RBFOX1: variants seen among roughly 807,000 people sequenced by gnomAD.
RBFOX1 encodes the protein RNA binding protein fox-1 homolog 1.
Under a neutral mutation model 57.7 loss-of-function variants are expected in RBFOX1, and 8 were observed. That is an observed-to-expected ratio of 0.14 (90% CI 0.08 to 0.25). RBFOX1 has a LOEUF of 0.25. RBFOX1 is among the 10% of genes least tolerant of loss of function. RBFOX1 has a pLI of 1.00. For missense variants in RBFOX1, 611 were observed against 548.5 expected, an observed-to-expected ratio of 1.11 and a Z score of -1.14; for synonymous variants, 326 against 222.4, an observed-to-expected ratio of 1.47 and a Z score of -4.15.
intron 1 of RBFOX1, among the ~76,000 whole-genome samples, chr16:6,207,030 G>C (rs2097260061): frequency 6.9e-6 from 1 of 145,916 alleles, no homozygotes; most frequent in African/African-American, 2.5e-5. Context: ...AAAATTAAAA[G>C]GTAAACAGTC....
At chr16:7,587,114 AC>A in intron 6 of RBFOX1, 132 bp from the exon 7 acceptor site, 1 of 1,137,932 alleles carries the variant, frequency 8.8e-7, no homozygotes. Context: ...AAGCACATTA[AC>A]CATAAAACAT....
intron 4 of RBFOX1, among the ~76,000 whole-genome samples, chr16:7,381,405 C>T (rs1009667667): frequency 2.0e-5 from 3 of 152,128 alleles, no homozygotes; most frequent in Non-Finnish European, 4.4e-5. Flanking sequence ...TAAACACATA[C>T]CTAATTCCTA....
chr16:5,597,678 A>T (rs1415374303), intron 2 of RBFOX1, among the ~76,000 whole-genome samples: 2 of 151,948 alleles, frequency 1.3e-5, no homozygotes, highest in African/African-American at 2.4e-5. Context: ...GATTAATGAC[A>T]TTGTAGAGCT....
chr16:5,566,590 A>G (rs1303560546), intron 2 of RBFOX1, among the ~76,000 whole-genome samples: 3 of 151,420 alleles, frequency 2.0e-5, no homozygotes. Context: ...ATATGTATAT[A>G]TGTGTGTATA....
At chr16:5,912,982 A>G (rs1028240176) in intron 4 of RBFOX1, among the ~76,000 whole-genome samples, 1 of 152,216 alleles carries the variant, frequency 6.6e-6, no homozygotes, top group African/African-American at 2.4e-5. Flanking sequence ...TAAGTGACTC[A>G]GGATAAAAGT....
Position 6,450,807 on chromosome 16 carries a change from A to G in RBFOX1, c.-64+133750A>G, listed in dbSNP as rs1473446594. Among the ~76,000 whole-genome samples, 64 of 19,222 alleles carry G rather than the reference A, an allele frequency of 3.3e-3. 8 individuals are homozygous for G. The highest frequency in any genetic ancestry group is 0.024 in the African/African-American group (62 of 2,604). 12.6% of individuals were successfully genotyped at this position (19,222 alleles called of 152,430 possible). A position where few individuals can be genotyped will look rare whatever the true frequency, so the allele number is the denominator to read the frequency against. ...TATATATACATATATATATGTATAT[A>G]TATATATATACATATATATATATAT... On this transcript the variant is annotated intron_variant, in intron 2 of 15. Coordinates refer to ENST00000550418, the MANE Select transcript of RBFOX1 (RefSeq NM_018723.4).
intron 5 of RBFOX1, among the ~76,000 whole-genome samples, chr16:7,567,311 A>G (rs1223712923): frequency 8.8e-6 from 1 of 113,622 alleles, no homozygotes; most frequent in Non-Finnish European, 1.8e-5. Flanking sequence ...CCCTATATAT[A>G]TATATATATA....
At chr16:7,447,286 A>C (rs1349935655) in intron 4 of RBFOX1, among the ~76,000 whole-genome samples, 1 of 151,980 alleles carries the variant, frequency 6.6e-6, no homozygotes, top group Non-Finnish European at 1.5e-5. Flanking sequence ...TACAAAAATT[A>C]GCCAGCTGTG....
At chr16:7,407,852 A>C (rs969276005) in intron 4 of RBFOX1, among the ~76,000 whole-genome samples, 2 of 152,118 alleles carry the variant, frequency 1.3e-5, no homozygotes, top group East Asian at 1.9e-4. Context: ...CCTGGGACCT[A>C]ATCTGGCCTG....
intron 4 of RBFOX1, among the ~76,000 whole-genome samples, chr16:7,140,970 G>C (rs2073605000): frequency 6.6e-6 from 1 of 152,186 alleles, no homozygotes; most frequent in African/African-American, 2.4e-5. Context: ...GAGAGAGAAG[G>C]AGGGAGTGAA....
chr16:7,513,353 C>G (rs1466090541), intron 4 of RBFOX1, among the ~76,000 whole-genome samples: 4 of 152,126 alleles, frequency 2.6e-5, no homozygotes, highest in African/African-American at 9.7e-5. Flanking sequence ...TGAGAAATGC[C>G]TTGGTTTAAC....
At chr16:7,032,042 T>C (rs150063249) in intron 3 of RBFOX1, among the ~76,000 whole-genome samples, 7 of 152,294 alleles carry the variant, frequency 4.6e-5, no homozygotes, top group African/African-American at 1.7e-4. Context: ...GATTCTCCTT[T>C]GTATTTAGTG....
intron 1 of RBFOX1, among the ~76,000 whole-genome samples, chr16:6,074,080 C>T (rs981462670): frequency 6.6e-6 from 1 of 152,130 alleles, no homozygotes; most frequent in Non-Finnish European, 1.5e-5. Context: ...TCCCGAGTAG[C>T]TGGGACTATA....
At chr16:6,279,170 C>G (rs2076132362) in intron 1 of RBFOX1, among the ~76,000 whole-genome samples, 1 of 152,066 alleles carries the variant, frequency 6.6e-6, no homozygotes, top group Non-Finnish European at 1.5e-5. Context: ...AAAACATTTA[C>G]ATCTTGATGT....
chr16:5,287,376 G>C (rs1474890106), intron 1 of RBFOX1, among the ~76,000 whole-genome samples: 2 of 152,152 alleles, frequency 1.3e-5, no homozygotes, highest in Non-Finnish European at 2.9e-5. Context: ...GTAACTGGTA[G>C]TGTCAGGCCA....
At chr16:6,021,551 T>A (rs1165118858) in intron 1 of RBFOX1, among the ~76,000 whole-genome samples, 1 of 152,220 alleles carries the variant, frequency 6.6e-6, no homozygotes, top group Non-Finnish European at 1.5e-5. Flanking sequence ...AAAACCTGTG[T>A]CCTCTTTGAG....
chr16:5,968,116 C>G (rs909762529), intron 4 of RBFOX1, among the ~76,000 whole-genome samples: 1 of 152,092 alleles, frequency 6.6e-6, no homozygotes, highest in Non-Finnish European at 1.5e-5. Flanking sequence ...GCTCTATCAC[C>G]CAGGCTGGAG....
chr16:5,240,825 TG>T (rs1428150107), intron 1 of RBFOX1, among the ~76,000 whole-genome samples: 2 of 152,140 alleles, frequency 1.3e-5, no homozygotes, highest in African/African-American at 2.4e-5. Flanking sequence ...CCTGGCCTCC[TG>T]GGGTTCACTT....
At chr16:6,129,454 C>T (rs12929124) in intron 1 of RBFOX1, among the ~76,000 whole-genome samples, 7,596 of 151,934 alleles carry the variant, frequency 0.05, 276 homozygotes, top group African/African-American at 0.092. Flanking sequence ...GAAGACAGAA[C>T]AGAAAATTAT....
Sources: gnomAD v4.1 joint callset for allele counts (sites outside exome capture counted in the v4.1 genomes callset) on GRCh38, gnomAD v4.1.1 for gene constraint, MANE v1.5 for transcripts, NCBI Gene and HGNC (gene_info 2026-07-23, HGNC 2026-07-21) for gene names.